The following AVEN variants were observed in gnomAD, a reference collection of about 807,000 sequenced individuals.
AVEN encodes cell death regulator Aven.
A neutral mutation model predicts 38.1 loss-of-function variants in AVEN; 41 were observed. The observed-to-expected ratio is 1.08, with a 90% CI of 0.84 to 1.40. The LOEUF (loss-of-function observed/expected upper bound fraction) is 1.40, where lower values mean the gene tolerates loss of function less well. Ranked by LOEUF, AVEN falls within the 40% of genes most tolerant of loss-of-function variation. The pLI, the probability that AVEN is intolerant of heterozygous loss-of-function variation, is 0.00. For synonymous variants in AVEN, 206 were observed against 171.8 expected (o/e 1.20, Z -1.56); for missense variants, 605 against 438.8 (o/e 1.38, Z -3.38).
intron 1 of AVEN, among the ~76,000 whole-genome samples, chr15:34,027,133 A>G (rs1049480190): frequency 6.6e-6 from 1 of 152,174 alleles, no homozygotes; most frequent in Non-Finnish European, 1.5e-5. Context: ...AAGACTCACA[A>G]AAGTCCAAGG....
At chr15:33,904,520 T>A (rs964632296) in intron 2 of AVEN, among the ~76,000 whole-genome samples, 1 of 151,976 alleles carries the variant, frequency 6.6e-6, no homozygotes, top group Non-Finnish European at 1.5e-5. Context: ...CAAACGATTC[T>A]CCTGCCTCAG....
Position 33,914,678 on chromosome 15 carries a change from G to C in AVEN, c.446-38683C>G, listed in dbSNP as rs180937433. Among the ~76,000 whole-genome samples, 193 of 151,376 alleles carry C rather than the reference G, an allele frequency of 1.3e-3. 1 individual carries two copies. Among genetic ancestry groups the C allele is most frequent in the Non-Finnish European group, 1.5e-3 (105 of 67,898 alleles). On this transcript the variant is annotated intron_variant, in intron 2 of 5. Coordinates refer to ENST00000306730, the MANE Select transcript of AVEN (RefSeq NM_020371.3). ...GTGACAAGGTTCTCATCATGAAAGG[G>C]ATATACAAACATGGAGCAGGAGAAG...
chr15:34,070,858 T>C (rs929386456), intron 1 of AVEN, among the ~76,000 whole-genome samples: 1 of 152,214 alleles, frequency 6.6e-6, no homozygotes, highest in African/African-American at 2.4e-5. Flanking sequence ...TCTCCCCTGA[T>C]GAATTAATGT....
At chr15:33,941,898 T>C (rs1894332116) in intron 2 of AVEN, among the ~76,000 whole-genome samples, 1 of 152,218 alleles carries the variant, frequency 6.6e-6, no homozygotes. Context: ...GCTTTCTTGA[T>C]AGTAAGTGTT....
chr15:33,860,784 C>A, intron 11 of AVEN: 1 of 787,698 alleles, frequency 1.3e-6, no homozygotes, highest in Non-Finnish European at 2.0e-6. Flanking sequence ...GTTTGTTTTC[C>A]ATGCCCTGTT....
At chr15:34,045,059 A>G (rs537691713) in intron 5 of AVEN, among the ~76,000 whole-genome samples, 1 of 152,326 alleles carries the variant, frequency 6.6e-6, no homozygotes, top group Non-Finnish European at 1.5e-5. Context: ...AAAATTAGTA[A>G]TAATAATAAA....
At chr15:34,036,289 T>C (rs148589741) in intron 1 of AVEN, among the ~76,000 whole-genome samples, 19 of 152,186 alleles carry the variant, frequency 1.2e-4, no homozygotes, top group Middle Eastern at 3.4e-3. Context: ...TACCCTGGAG[T>C]ATTACATAGC....
chr15:33,881,235 G>A (rs993715748), intron 2 of AVEN, among the ~76,000 whole-genome samples: 1 of 151,262 alleles, frequency 6.6e-6, no homozygotes, highest in Non-Finnish European at 1.5e-5. Context: ...GACTACAGGT[G>A]CACACCACCA....
chr15:34,044,244 C>T (rs1179603522), intron 5 of AVEN, among the ~76,000 whole-genome samples: 1 of 152,198 alleles, frequency 6.6e-6, no homozygotes, highest in African/African-American at 2.4e-5. Context: ...ATCCACTCCT[C>T]AAGCCTTTTG....
chr15:33,989,505 G>A (rs557837980), intron 2 of AVEN, among the ~76,000 whole-genome samples: 2 of 148,656 alleles, frequency 1.3e-5, no homozygotes, highest in African/African-American at 2.5e-5. Flanking sequence ...ATCCCCTGAC[G>A]CCCACCAAGT....
intron 2 of AVEN, among the ~76,000 whole-genome samples, chr15:33,921,686 T>G (rs1179819642): frequency 6.6e-6 from 1 of 152,246 alleles, no homozygotes; most frequent in Admixed American, 6.5e-5. Flanking sequence ...CATGAGGGTT[T>G]GAGCATCAGA....
At chr15:33,943,455 G>A (rs1422303667) in intron 2 of AVEN, among the ~76,000 whole-genome samples, 9 of 151,696 alleles carry the variant, frequency 5.9e-5, no homozygotes, top group South Asian at 4.1e-4. Flanking sequence ...GGCTGGGAGG[G>A]AGGGCAAACA....
chr15:34,070,838 C>G (rs992255579), intron 1 of AVEN, among the ~76,000 whole-genome samples: 1 of 152,238 alleles, frequency 6.6e-6, no homozygotes, highest in Admixed American at 6.5e-5. Flanking sequence ...ATAAATTTCA[C>G]TGTCCCCCAT....
At chr15:34,022,800 G>A (rs191739564) in intron 1 of AVEN, among the ~76,000 whole-genome samples, 32 of 152,298 alleles carry the variant, frequency 2.1e-4, no homozygotes, top group Non-Finnish European at 2.9e-5. Flanking sequence ...TGACCTTCTG[G>A]CTGGAAGGAT....
chr15:33,978,987 A>G (rs1395331669), intron 2 of AVEN, among the ~76,000 whole-genome samples: 1 of 152,054 alleles, frequency 6.6e-6, no homozygotes, highest in Non-Finnish European at 1.5e-5. Context: ...CAGACAATAA[A>G]TGGGACCTAC....
chr15:34,013,073 G>GTTTGT (rs1555515963), intron 1 of AVEN, among the ~76,000 whole-genome samples: 1 of 151,622 alleles, frequency 6.6e-6, no homozygotes, highest in Non-Finnish European at 1.5e-5. Flanking sequence ...TTGTTTGTTT[G>GTTTGT]TTTTTTGAGA....
intron 2 of AVEN, among the ~76,000 whole-genome samples, chr15:33,919,653 T>C (rs1893311783): frequency 6.6e-6 from 1 of 152,192 alleles, no homozygotes; most frequent in Admixed American, 6.5e-5. Flanking sequence ...TGGCTTAGAA[T>C]AAGAGCACAG....
intron 2 of AVEN, among the ~76,000 whole-genome samples, chr15:33,923,541 T>C (rs1348006031): frequency 1.3e-5 from 2 of 152,226 alleles, no homozygotes; most frequent in African/African-American, 2.4e-5. Flanking sequence ...GTCTCTGTTG[T>C]AACTACTCAA....
chr15:34,073,989 C>T (rs55897927), intron 1 of AVEN, among the ~76,000 whole-genome samples: 15,750 of 30,468 alleles, frequency 0.52, 4,096 homozygotes, highest in Middle Eastern at 0.57. Flanking sequence ...TCTTCTTCTT[C>T]TTTTTTTTTT....
Sources: allele counts gnomAD v4.1 joint callset (sites outside exome capture counted in the v4.1 genomes callset), GRCh38; gene constraint gnomAD v4.1.1; transcripts MANE v1.5; gene names NCBI Gene and HGNC (gene_info 2026-07-23, HGNC 2026-07-21).